The following KCNC2 variants were observed in gnomAD, a reference collection of about 807,000 sequenced individuals.
The protein encoded by KCNC2 is voltage-gated potassium channel KCNC2.
In KCNC2, 21 loss-of-function variants were observed where a neutral mutation model predicts 44.5. That is an observed-to-expected ratio of 0.47 (90% confidence interval 0.33 to 0.68). The LOEUF (loss-of-function observed/expected upper bound fraction) is 0.68, where lower values mean the gene tolerates loss of function less well. KCNC2 is among the 30% of genes least tolerant of loss of function. KCNC2 has a pLI of 0.01. For synonymous variants in KCNC2, 391 were observed against 339.1 expected, an observed-to-expected ratio of 1.15 and a Z score of -1.68; for missense variants, 589 against 826.2, an observed-to-expected ratio of 0.71 and a Z score of 3.52.
rs559975398 is a variant in KCNC2, at chr12:75,167,147, A to G, written c.687+40150T>C. Among the ~76,000 whole-genome samples, 5 of 151,458 alleles carry G rather than the reference A, an allele frequency of 3.3e-5. No homozygotes were observed. The East Asian group carries it at 9.7e-4, about 30-fold the overall frequency. ...ACAAAAAGAATTATAAGAGAATACT[A>G]TGAACAACTATATACTGACAAATTA... On this transcript the variant is annotated intron_variant, in intron 2 of 4. Transcript: ENST00000549446.
intron 2 of KCNC2, among the ~76,000 whole-genome samples, chr12:75,142,886 G>A (rs949342406): frequency 1.3e-5 from 2 of 152,132 alleles, no homozygotes; most frequent in Non-Finnish European, 2.9e-5. Context: ...CCAAAGCAAG[G>A]GAACACAGAC....
intron 2 of KCNC2, among the ~76,000 whole-genome samples, chr12:75,155,316 C>T (rs141973100): frequency 4.6e-5 from 7 of 151,846 alleles, no homozygotes; most frequent in Non-Finnish European, 8.8e-5. Context: ...AACCTAACTC[C>T]GAGTTAGCTT....
chr12:75,147,973 AC>A (rs1890139216), intron 2 of KCNC2, among the ~76,000 whole-genome samples: 2 of 152,334 alleles, frequency 1.3e-5, no homozygotes, highest in South Asian at 4.1e-4. Context: ...TTTGGACTTC[AC>A]TATAAAAGCT....
chr12:75,057,052 C>CA (rs1297006350), intron 2 of KCNC2, among the ~76,000 whole-genome samples: 4 of 151,944 alleles, frequency 2.6e-5, no homozygotes, highest in South Asian at 4.1e-4. Flanking sequence ...AAATTCTCTA[C>CA]AAAAAACTTT....
At chr12:75,190,544 C>T (rs2030105109) in intron 2 of KCNC2, among the ~76,000 whole-genome samples, 1 of 152,086 alleles carries the variant, frequency 6.6e-6, no homozygotes, top group African/African-American at 2.4e-5. Flanking sequence ...TTTATTATTT[C>T]TAAATGTTAG....
intron 2 of KCNC2, among the ~76,000 whole-genome samples, chr12:75,173,142 A>G (rs2137592216): frequency 6.6e-6 from 1 of 152,034 alleles, no homozygotes; most frequent in South Asian, 2.1e-4. Context: ...GTTCTACTCC[A>G]TAATCACAAT....
At chr12:75,179,809 A>G (rs1383816206) in intron 2 of KCNC2, among the ~76,000 whole-genome samples, 1 of 151,416 alleles carries the variant, frequency 6.6e-6, no homozygotes, top group East Asian at 1.9e-4. Context: ...ATAATATGTC[A>G]TGGAAAAATA....
chr12:75,187,225 G>A (rs1280353105), intron 2 of KCNC2, among the ~76,000 whole-genome samples: 1 of 152,200 alleles, frequency 6.6e-6, no homozygotes, highest in Non-Finnish European at 1.5e-5. Flanking sequence ...GAGGTAGTGT[G>A]TGTGACTCAG....
At chr12:75,096,465 T>C (rs1177995410) in intron 2 of KCNC2, among the ~76,000 whole-genome samples, 1 of 152,030 alleles carries the variant, frequency 6.6e-6, no homozygotes, top group Admixed American at 6.6e-5. Flanking sequence ...CTAAAAATGG[T>C]TGAAGTTTCC....
At chr12:75,189,496 C>G (rs1346076054) in intron 2 of KCNC2, among the ~76,000 whole-genome samples, 4 of 152,126 alleles carry the variant, frequency 2.6e-5, no homozygotes, top group Non-Finnish European at 4.4e-5. Flanking sequence ...ACTTTTCCAC[C>G]TAAAAAGCAG....
chr12:75,151,100 G>T (rs1319405439), intron 2 of KCNC2, among the ~76,000 whole-genome samples: 1 of 151,890 alleles, frequency 6.6e-6, no homozygotes, highest in African/African-American at 2.4e-5. Context: ...AACTGGACGG[G>T]CTTGCAGATA....
intron 2 of KCNC2, among the ~76,000 whole-genome samples, chr12:75,128,052 A>T (rs536752004): frequency 5.9e-5 from 9 of 152,178 alleles, no homozygotes; most frequent in Non-Finnish European, 1.3e-4. Context: ...TAATCACAAA[A>T]TTATACAATG....
intron 2 of KCNC2, among the ~76,000 whole-genome samples, chr12:75,185,775 G>T (rs377339993): frequency 1.7e-4 from 26 of 152,194 alleles, no homozygotes; most frequent in Admixed American, 7.2e-4. Flanking sequence ...GCTGGCTGTG[G>T]TGGCTCACTC....
At chr12:75,166,115 A>G (rs948298137) in intron 2 of KCNC2, among the ~76,000 whole-genome samples, 8 of 151,530 alleles carry the variant, frequency 5.3e-5, no homozygotes, top group Admixed American at 1.3e-4. Flanking sequence ...TAGAGGCTCT[A>G]TGAATATCAG....
At chr12:75,090,643 A>G (rs147406009) in intron 2 of KCNC2, among the ~76,000 whole-genome samples, 2 of 151,836 alleles carry the variant, frequency 1.3e-5, no homozygotes, top group South Asian at 2.1e-4. Context: ...TTTTCCAAAT[A>G]CCTGAATATA....
chr12:75,202,300 G>A (rs2031349145), intron 2 of KCNC2, among the ~76,000 whole-genome samples: 1 of 151,878 alleles, frequency 6.6e-6, no homozygotes, highest in South Asian at 2.1e-4. Flanking sequence ...TATATCACTT[G>A]TATGTATATT....
chr12:75,187,462 T>A (rs942841651), intron 2 of KCNC2, among the ~76,000 whole-genome samples: 18 of 152,246 alleles, frequency 1.2e-4, no homozygotes, highest in Non-Finnish European at 2.4e-4. Context: ...TCCAACCTTT[T>A]TCTTTGTCCC....
At chr12:75,179,214 T>G (rs911151165) in intron 2 of KCNC2, among the ~76,000 whole-genome samples, 1 of 152,030 alleles carries the variant, frequency 6.6e-6, no homozygotes, top group African/African-American at 2.4e-5. Context: ...TTAGGCTTTC[T>G]GCAGGAAATG....
Position 75,041,052 on chromosome 12 carries a change from C to G in KCNC2, c.*2053G>C, listed in dbSNP as rs1202065024. The stretch of plus-strand genomic sequence containing the variant: ...GCAGTTCTTTTATAAGCTTTAAGTG[C>G]CTCATGAAGACGCGAGGATCTCTTC... On this transcript the variant is annotated 3_prime_UTR_variant, in exon 5 of 5. Transcript: ENST00000549446. The G allele has an allele frequency of 1.4e-6, 2 of 1,443,940 alleles. No individual in the cohort carries two copies. Among genetic ancestry groups the G allele is most frequent in the Non-Finnish European group, 1.9e-6 (2 of 1,040,562 alleles). 89.4% of individuals were successfully genotyped at this position (1,443,940 alleles called of 1,614,324 possible).
Sources: gnomAD v4.1 joint callset for allele counts (sites outside exome capture counted in the v4.1 genomes callset) on GRCh38, gnomAD v4.1.1 for gene constraint, MANE v1.5 for transcripts, NCBI Gene and HGNC (gene_info 2026-07-23, HGNC 2026-07-21) for gene names.